Variants in VWA7 observed in about 807,000 individuals in gnomAD.
VWA7 encodes the protein von Willebrand factor A domain containing 7.
A neutral mutation model predicts 83.1 loss-of-function variants in VWA7; 66 were observed. That is an observed-to-expected ratio of 0.79 (90% CI 0.65 to 0.98). The LOEUF (loss-of-function observed/expected upper bound fraction) is 0.98, where lower values mean the gene tolerates loss of function less well. Ranked by LOEUF, VWA7 falls within the 50% of genes least tolerant of loss-of-function variation. The probability of loss-of-function intolerance (pLI) is 0.00; values close to 1 mark genes in which losing one functional copy is unlikely to be tolerated. For synonymous variants in VWA7, 424 were observed against 488.5 expected (o/e 0.87, Z 1.74); for missense variants, 1,080 against 1,160.2 (o/e 0.93, Z 1.00).
chr6:31,766,248 G>A lies in VWA7; in HGVS notation c.2321C>T (p.Ser774Phe), dbSNP rs749139607. The A allele has an allele frequency of 1.2e-5, 20 of 1,612,246 alleles. No homozygotes were observed. The South Asian group carries it at 1.9e-4, about 15-fold the overall frequency. The change falls in exon 15 of 17, where the codon TCC (serine) becomes TTC (phenylalanine). Residue 774 changes from serine to phenylalanine, a missense_variant. Physicochemically the swap from Ser to Phe is radical, Grantham distance 155 (BLOSUM62 -2). Coordinates refer to ENST00000375688, the MANE Select transcript of VWA7 (RefSeq NM_025258.3). The surrounding 1 kb of genome is among the most constrained non-coding windows in gnomAD (Gnocchi z 4.9). Reference sequence around the variant, plus strand: ...CTGGAGGGTTCATGAGCCTCACCTGGAGAGGTTGGAGGTGAGGGAGAAGCT... The same window carrying A: ...CTGGAGGGTTCATGAGCCTCACCTGAAGAGGTTGGAGGTGAGGGAGAAGCT... The part of the protein sequence containing the change: ...NPSFSLTSNL[S>F]RAHLELNESA...
chr6:31,772,953 C>G lies in VWA7; in HGVS notation c.1087+1G>C. The stretch of plus-strand genomic sequence containing the variant: ...TACTGTCCTAGCCAGACCACACTTA[C>G]CTGGGTCATGAAAAGGCACCAGGAC... On this transcript the variant is annotated splice_donor_variant, in intron 7 of 16. Coordinates refer to ENST00000375688, the MANE Select transcript of VWA7 (RefSeq NM_025258.3). LOFTEE classifies it high-confidence loss of function. The G allele has an allele frequency of 6.2e-7, 1 of 1,610,360 alleles. No individual in the cohort carries two copies.
rs1193546270 is a variant in VWA7 at position 31,770,161 on chromosome 6, C to T, written c.1088-48G>A. The T allele has an allele frequency of 2.6e-6, 4 of 1,511,724 alleles. No homozygotes were observed. The African/African-American group carries it at 4.1e-5, about 16-fold the overall frequency. The allele number at this position is 1,511,724 out of a possible 1,614,324, so 93.6% of individuals were successfully genotyped here. On this transcript the variant is annotated intron_variant, in intron 7 of 16. Transcript: ENST00000375688. ...AGATAAGTGAGGAAAGAGCTCCCCT[C>T]ATTCTTACCCAGAGCCACCTCCCCA...
In VWA7 at chr6:31,769,897, G is replaced by A; in HGVS notation, c.1200+104C>T. 1.4e-6 allele frequency: 2 copies of A among 1,476,552 alleles called. No individual in the cohort carries two copies. The highest frequency in any genetic ancestry group is 9.4e-7 in the Non-Finnish European group (1 of 1,059,028). The allele number at this position is 1,476,552 out of a possible 1,614,324, so 91.5% of individuals were successfully genotyped here. Reference sequence around the variant, plus strand: ...GAATATGGCCCGGGAACCCTACAGTGAAGCTAGTGGATCTAGGTGCTGAAG... The same window carrying A: ...GAATATGGCCCGGGAACCCTACAGTAAAGCTAGTGGATCTAGGTGCTGAAG... On this transcript the variant is annotated intron_variant, in intron 8 of 16. Coordinates refer to ENST00000375688, the MANE Select transcript of VWA7 (RefSeq NM_025258.3). This position sits in a 1 kb window ranked among gnomAD's most constrained non-coding sequence, Gnocchi z 4.5.
rs1039138395 is a variant in VWA7 at position 31,775,826 on chromosome 6, C to T, written c.513+138G>A. On this transcript the variant is annotated intron_variant, in intron 3 of 16. Transcript: ENST00000375688. This position sits in a 1 kb window ranked among gnomAD's most constrained non-coding sequence, Gnocchi z 5.9. Reference sequence around the variant, plus strand: ...TGGAGGTGGGGAACTGGGACACAGCCTCGGGGCACCGCGTGCCAGTGCCCA... The same window carrying T: ...TGGAGGTGGGGAACTGGGACACAGCTTCGGGGCACCGCGTGCCAGTGCCCA... 50 of 1,396,148 alleles carry T rather than the reference C, an allele frequency of 3.6e-5. No individual in the cohort carries two copies. The African/African-American group carries it at 6.9e-4, about 19-fold the overall frequency. 86.5% of individuals were successfully genotyped at this position (1,396,148 alleles called of 1,614,324 possible).
chr6:31,774,077 C>T (rs2151405496), intron 5 of VWA7, among the ~76,000 whole-genome samples: 1 of 146,952 alleles, frequency 6.8e-6, no homozygotes, highest in South Asian at 2.1e-4. Flanking sequence ...TCGCTTGAAC[C>T]TGGGAGGCGG....
Position 31,775,916 on chromosome 6 carries a change from G to A in VWA7, c.513+48C>T. On this transcript the variant is annotated intron_variant, in intron 3 of 16. Transcript: ENST00000375688. This position sits in a 1 kb window ranked among gnomAD's most constrained non-coding sequence, Gnocchi z 5.9. ...ATAGGACGCGCTCCATCCCGGACAG[G>A]CACGGAAGTGAAGACCCCTCTGACC... 1 of 1,561,376 alleles carries A rather than the reference G, an allele frequency of 6.4e-7. No homozygotes were observed. The highest frequency in any genetic ancestry group is 2.3e-5 in the East Asian group (1 of 44,410).
At chr6:31,770,315 G>A (rs1410532669) in intron 7 of VWA7, among the ~76,000 whole-genome samples, 2 of 151,906 alleles carry the variant, frequency 1.3e-5, no homozygotes, top group African/African-American at 2.4e-5. Context: ...GCCAAGGTGG[G>A]TGGATCATGA....
Position 31,765,718 on chromosome 6 carries a change from G to C in VWA7, c.2552C>G (p.Thr851Ser). ...CAATGTGAAGGGGGAAAAGGCAGGG[G>C]TGGCCGTGGTGAGGATCGGGTCAGA... is the stretch of plus-strand genomic sequence containing the variant. ...GSSDPILTTA[T>S]PAFSPFTLVT... The change falls in exon 17 of 17, where the codon ACC (threonine) becomes AGC (serine). Residue 851 changes from threonine (T) to serine (S), a missense_variant. Physicochemically the swap from Thr to Ser is moderately conservative, Grantham distance 58. Coordinates refer to ENST00000375688, the MANE Select transcript of VWA7 (RefSeq NM_025258.3). 6.3e-7 allele frequency: 1 copy of C among 1,593,652 alleles called. No homozygotes were observed.
intron 10 of VWA7, among the ~76,000 whole-genome samples, chr6:31,768,364 C>T (rs763747290): frequency 6.6e-6 from 1 of 151,598 alleles, no homozygotes; most frequent in Non-Finnish European, 1.5e-5. Context: ...AATCCCAGCA[C>T]CTGGGAGACC....
intron 5 of VWA7, 49 bp downstream of exon 5, chr6:31,774,467 A>G: frequency 6.4e-7 from 1 of 1,556,490 alleles, no homozygotes; most frequent in Non-Finnish European, 8.8e-7. Flanking sequence ...AGATCCTGTA[A>G]GGGAATGACT....
chr6:31,769,611 G>T lies in VWA7; in HGVS notation c.1317+64C>A. On this transcript the variant is annotated intron_variant, in intron 9 of 16. Coordinates refer to ENST00000375688, the MANE Select transcript of VWA7 (RefSeq NM_025258.3). The surrounding 1 kb of genome is among the most constrained non-coding windows in gnomAD (Gnocchi z 4.5). ...GTGGTGCAACCCTCGTTATGAGATTGTCATCACAGGGTCTCTCACATCCCT... is the reference window on the plus strand; with the variant it reads ...GTGGTGCAACCCTCGTTATGAGATTTTCATCACAGGGTCTCTCACATCCCT... 6 of 1,443,362 alleles carry T rather than the reference G, an allele frequency of 4.2e-6. No individual in the cohort carries two copies. Among genetic ancestry groups the T allele is most frequent in the Non-Finnish European group, 5.8e-6 (6 of 1,028,992 alleles). 89.4% of individuals were successfully genotyped at this position (1,443,362 alleles called of 1,614,324 possible). A position where few individuals can be genotyped will look rare whatever the true frequency, so the allele number is the denominator to read the frequency against.
In VWA7 at chr6:31,770,041, C is replaced by T. The variant is rs115526889; in HGVS notation, c.1160G>A (p.Gly387Glu). The change falls in exon 8 of 17, where the codon GGG (glycine) becomes GAG (glutamate). Residue 387 changes from glycine (G) to glutamate (E), a missense_variant. Gly to Glu is a moderately conservative substitution (Grantham distance 98). Transcript: ENST00000375688. The stretch of plus-strand genomic sequence containing the variant: ...GCACATCTCAGGCTCGTCTCCACCC[C>T]CCAAGGCATGGATCTCATTAAGCTG... ...WQQLNEIHALGGGDEPEMCLS... is the reference protein window; with the variant it reads ...WQQLNEIHALEGGDEPEMCLS... 1.5e-5 allele frequency: 24 copies of T among 1,612,760 alleles called. No homozygotes were observed. The highest frequency in any genetic ancestry group is 1.1e-4 in the East Asian group (5 of 44,878).
chr6:31,775,333 C>T lies in VWA7; in HGVS notation c.610G>A (p.Val204Met), dbSNP rs926667289. The change falls in exon 4 of 17, where the codon GTG (valine) becomes ATG (methionine). Residue 204 changes from valine (V) to methionine (M), a missense_variant and splice_region_variant. By Grantham distance (21) the Val-to-Met change is conservative. Transcript: ENST00000375688. The surrounding 1 kb of genome is among the most constrained non-coding windows in gnomAD (Gnocchi z 5.9). ...CTCACCACCAGGGTCACAGCCATAC[C>T]TTGTGCCAGGTTCTGGAGCTCCTGC... is the stretch of plus-strand genomic sequence containing the variant. ...PRQELQNLAQ[V>M]ADPTCSDCEE... is the part of the protein sequence containing the mutation. 3.8e-5 allele frequency: 61 copies of T among 1,611,718 alleles called. No individual in the cohort carries two copies. Among genetic ancestry groups the T allele is most frequent in the Non-Finnish European group, 5.2e-5 (61 of 1,179,338 alleles).
rs9279415 is a variant in VWA7 at position 31,772,584 on chromosome 6, C to CTTTTTTTTTTTT, written c.1087+358_1087+369dup. ...CTTTTCTTTTTTTTTTCTTTCTTTT[C>CTTTTTTTTTTTT]TTTTTTTTTTTTTTTTTTTTTTTTT... On this transcript the variant is annotated intron_variant, in intron 7 of 16. Transcript: ENST00000375688. Among the ~76,000 whole-genome samples the CTTTTTTTTTTTT allele has an allele frequency of 6.0e-4, 21 of 35,080 alleles. 1 individual carries two copies. Among genetic ancestry groups the CTTTTTTTTTTTT allele is most frequent in the African/African-American group, 1.4e-3 (10 of 7,382 alleles). The allele number at this position is 35,080 out of a possible 152,430, so 23.0% of individuals were successfully genotyped here. A position where few individuals can be genotyped will look rare whatever the true frequency, so the allele number is the denominator to read the frequency against.
Position 31,769,883 on chromosome 6 carries a change from G to A in VWA7, c.1201-92C>T, listed in dbSNP as rs899638049. 48 of 1,488,896 alleles carry A rather than the reference G, an allele frequency of 3.2e-5. 1 individual carries two copies. The highest frequency in any genetic ancestry group is 3.4e-4 in the Middle Eastern group (2 of 5,828). 92.2% of individuals were successfully genotyped at this position (1,488,896 alleles called of 1,614,324 possible). ...GATGAAGCAGAAGGGAATATGGCCC[G>A]GGAACCCTACAGTGAAGCTAGTGGA... On this transcript the variant is annotated intron_variant, in intron 8 of 16. Transcript: ENST00000375688. This position sits in a 1 kb window ranked among gnomAD's most constrained non-coding sequence, Gnocchi z 4.5.
Position 31,775,270 on chromosome 6 carries a change from G to A in VWA7, c.610+63C>T, listed in dbSNP as rs971240151. ...CTCTGGGACTTCAGAATGTGACACA[G>A]TGGCTGGGTGGACTGAGGTGGCCCT... On this transcript the variant is annotated intron_variant, in intron 4 of 16. Coordinates refer to ENST00000375688, the MANE Select transcript of VWA7 (RefSeq NM_025258.3). The surrounding 1 kb of genome is among the most constrained non-coding windows in gnomAD (Gnocchi z 5.9). 5.0e-5 allele frequency: 71 copies of A among 1,411,546 alleles called. No individual in the cohort carries two copies. The African/African-American group carries it at 8.7e-4, about 17-fold the overall frequency. The allele number at this position is 1,411,546 out of a possible 1,614,324, so 87.4% of individuals were successfully genotyped here. A position where few individuals can be genotyped will look rare whatever the true frequency, so the allele number is the denominator to read the frequency against.
At position 31,776,337 on chromosome 6, in the gene VWA7, G is replaced by C. The variant is rs1812688261; in HGVS notation, c.235-95C>G. On this transcript the variant is annotated intron_variant, in intron 2 of 16. Coordinates refer to ENST00000375688, the MANE Select transcript of VWA7 (RefSeq NM_025258.3). The surrounding 1 kb of genome is among the most constrained non-coding windows in gnomAD (Gnocchi z 6.2). ...GCAACTGACACTCAAGGCTGGGTATGAGGGTCCTGAGCCCCACAAAGGAGG... is the reference window on the plus strand; with the variant it reads ...GCAACTGACACTCAAGGCTGGGTATCAGGGTCCTGAGCCCCACAAAGGAGG... 13 of 1,510,532 alleles carry C rather than the reference G, an allele frequency of 8.6e-6. No individual in the cohort carries two copies. The South Asian group carries it at 1.5e-4, about 18-fold the overall frequency. 93.6% of individuals were successfully genotyped at this position (1,510,532 alleles called of 1,614,324 possible).
intron 4 of VWA7, among the ~76,000 whole-genome samples, 155 bp from the exon 5 acceptor site, chr6:31,774,781 T>C (rs1054382044): frequency 3.3e-5 from 5 of 151,872 alleles, no homozygotes; most frequent in African/African-American, 1.2e-4. Flanking sequence ...CCTAGGATCA[T>C]GGGCCCGCAG....
rs1449439589 is a variant in VWA7, at chr6:31,769,786, G to A, written c.1206C>T (p.Ala402=). Residue 402 remains alanine, a synonymous_variant, in exon 9 of 17, where the codon GCC becomes GCT. Transcript: ENST00000375688. The surrounding 1 kb of genome is among the most constrained non-coding windows in gnomAD (Gnocchi z 4.5). ...PEMCLSALQL[A]LLHTPPLSDI... is the part of the protein sequence containing the mutation. ...CTGAGAGTGGAGGTGTGTGCAGCAG[G>A]GCCAGCTGGCAGGGAAGGCAACGAC... The A allele has an allele frequency of 1.1e-5, 18 of 1,613,002 alleles. No individual in the cohort carries two copies. Among genetic ancestry groups the A allele is most frequent in the Non-Finnish European group, 1.5e-5 (18 of 1,179,968 alleles).
Sources: gnomAD v4.1 joint callset for allele counts (sites outside exome capture counted in the v4.1 genomes callset) on GRCh38, gnomAD v4.1.1 for gene constraint, Gnocchi (gnomAD v3.1) non-coding constraint, MANE v1.5 for transcripts, NCBI Gene and HGNC (gene_info 2026-07-23, HGNC 2026-07-21) for gene names.